Variants in KHDRBS2 observed in about 807,000 individuals in gnomAD.
The protein encoded by KHDRBS2 is KH domain-containing, RNA-binding, signal transduction-associated protein 2.
In KHDRBS2, 26 loss-of-function variants were observed where a neutral mutation model predicts 44.3. The ratio of observed to expected loss-of-function variants is 0.59; its 90% confidence interval spans 0.43 to 0.81. KHDRBS2 has a LOEUF of 0.81. Among genes scored for constraint, KHDRBS2 ranks in the 40% least tolerant of loss-of-function variants. The pLI, the probability that KHDRBS2 is intolerant of heterozygous loss-of-function variation, is 0.00. For missense variants in KHDRBS2, 476 were observed against 433.1 expected, an observed-to-expected ratio of 1.10 and a Z score of -0.88; for synonymous variants, 194 against 151.1, an observed-to-expected ratio of 1.28 and a Z score of -2.08.
chr6:61,737,080 A>T (rs551473088), intron 6 of KHDRBS2, among the ~76,000 whole-genome samples: 13 of 152,128 alleles, frequency 8.5e-5, no homozygotes, highest in Non-Finnish European at 1.5e-4. Flanking sequence ...GATATGGATT[A>T]ACACAAATTA....
At chr6:61,597,678 C>A in the KHDRBS2 span, among the ~76,000 whole-genome samples, 1 of 133,420 alleles carries the variant, frequency 7.5e-6, no homozygotes. Context: ...CCTAGAGGAG[C>A]CAGTCTGGGG....
chr6:61,920,555 A>C (rs745502843), intron 4 of KHDRBS2, among the ~76,000 whole-genome samples: 2 of 152,036 alleles, frequency 1.3e-5, no homozygotes, highest in Non-Finnish European at 2.9e-5. Flanking sequence ...TGCTAAGTAT[A>C]TGTGAATGCA....
chr6:61,768,902 C>T (rs1164828118), intron 6 of KHDRBS2, among the ~76,000 whole-genome samples: 2 of 152,038 alleles, frequency 1.3e-5, no homozygotes, highest in African/African-American at 4.8e-5. Context: ...GTGTTCTATT[C>T]AGTCACTTGG....
chr6:62,188,110 T>C (rs1563028230), intron 1 of KHDRBS2, among the ~76,000 whole-genome samples: 1 of 151,956 alleles, frequency 6.6e-6, no homozygotes, highest in South Asian at 2.1e-4. Flanking sequence ...CTCATTACCA[T>C]GGGGAAAGCA....
At chr6:61,875,374 A>C (rs1317144263) in intron 6 of KHDRBS2, among the ~76,000 whole-genome samples, 1 of 152,104 alleles carries the variant, frequency 6.6e-6, no homozygotes, top group Non-Finnish European at 1.5e-5. Flanking sequence ...TGTCCATAAA[A>C]GTCCAGTTCC....
chr6:61,574,830 A>G, the KHDRBS2 span, among the ~76,000 whole-genome samples: 2 of 151,898 alleles, frequency 1.3e-5, no homozygotes, highest in African/African-American at 4.8e-5. Context: ...AATTGCTGGA[A>G]CTCAGAAATG....
chr6:61,654,119 C>T, the KHDRBS2 span, among the ~76,000 whole-genome samples: 4 of 151,930 alleles, frequency 2.6e-5, no homozygotes, highest in African/African-American at 9.7e-5. Flanking sequence ...TCCTGCTATT[C>T]TCATATGTGG....
intron 6 of KHDRBS2, among the ~76,000 whole-genome samples, chr6:61,773,362 G>A (rs1317510821): frequency 6.6e-6 from 1 of 151,654 alleles, no homozygotes; most frequent in Non-Finnish European, 1.5e-5. Context: ...ATCTCATTGT[G>A]GTTTTGATTT....
At chr6:61,848,469 T>TTATATATATATATATATATATATATA (rs796641130) in intron 6 of KHDRBS2, among the ~76,000 whole-genome samples, 1 of 73,694 alleles carries the variant, frequency 1.4e-5, no homozygotes, top group African/African-American at 6.7e-5. Context: ...AATGGAGGTT[T>TTATATATATATATATATATATATATA]TATATATATA....
At chr6:61,995,233 C>T (rs138001301) in intron 3 of KHDRBS2, among the ~76,000 whole-genome samples, 84 of 152,042 alleles carry the variant, frequency 5.5e-4, no homozygotes, top group African/African-American at 2.0e-3. Flanking sequence ...ACAAAAGGTA[C>T]AATTAATTGA....
intron 2 of KHDRBS2, among the ~76,000 whole-genome samples, chr6:62,171,224 A>G (rs573131424): frequency 6.6e-6 from 1 of 152,198 alleles, no homozygotes; most frequent in African/African-American, 2.4e-5. Flanking sequence ...AATCTAAGGA[A>G]TACAAAAAAA....
the KHDRBS2 span, among the ~76,000 whole-genome samples, chr6:61,610,036 C>T: frequency 6.6e-6 from 1 of 151,874 alleles, no homozygotes; most frequent in Non-Finnish European, 1.5e-5. Flanking sequence ...ATTAGCTGGG[C>T]GTGGTGGTTG....
chr6:61,618,175 C>A, the KHDRBS2 span, among the ~76,000 whole-genome samples: 1 of 152,086 alleles, frequency 6.6e-6, no homozygotes, highest in African/African-American at 2.4e-5. Flanking sequence ...AATTAATCAA[C>A]AAATAGAGAC....
chr6:61,564,066 T>C, the KHDRBS2 span, among the ~76,000 whole-genome samples: 1 of 152,066 alleles, frequency 6.6e-6, no homozygotes, highest in South Asian at 2.1e-4. Flanking sequence ...TGCCACAAGA[T>C]CGTCAGTTTG....
At chr6:61,582,698 T>A in the KHDRBS2 span, among the ~76,000 whole-genome samples, 1 of 151,642 alleles carries the variant, frequency 6.6e-6, no homozygotes, top group East Asian at 1.9e-4. Flanking sequence ...ATGTAACTTT[T>A]TTTTTTACTG....
At chr6:61,669,523 T>C in the KHDRBS2 span, among the ~76,000 whole-genome samples, 1 of 150,930 alleles carries the variant, frequency 6.6e-6, no homozygotes, top group East Asian at 2.0e-4. Flanking sequence ...GTTTAAGGTG[T>C]TTAAATGTTA....
At chr6:61,870,084 C>T (rs2127302176) in intron 6 of KHDRBS2, among the ~76,000 whole-genome samples, 1 of 151,330 alleles carries the variant, frequency 6.6e-6, no homozygotes, top group South Asian at 2.1e-4. Flanking sequence ...AGTGGTCTGG[C>T]TCAGTGGTTC....
chr6:61,638,533 A>C, the KHDRBS2 span, among the ~76,000 whole-genome samples: 1 of 152,214 alleles, frequency 6.6e-6, no homozygotes. Flanking sequence ...CTTAAGCCTT[A>C]GACCTAAAAC....
intron 6 of KHDRBS2, among the ~76,000 whole-genome samples, chr6:61,866,585 C>T (rs1259368946): frequency 3.9e-5 from 6 of 152,180 alleles, no homozygotes; most frequent in African/African-American, 1.4e-4. Flanking sequence ...TTTCTGCAGC[C>T]AGCTTAAATT....
Sources: gnomAD v4.1 joint callset for allele counts (sites outside exome capture counted in the v4.1 genomes callset) on GRCh38, gnomAD v4.1.1 for gene constraint, MANE v1.5 for transcripts, NCBI Gene and HGNC (gene_info 2026-07-23, HGNC 2026-07-21) for gene names.